The following AXDND1 variants were observed in gnomAD, a reference collection of about 807,000 sequenced individuals.
AXDND1 encodes axonemal dynein light chain domain containing 1, also known as axonemal dynein light chain domain-containing protein 1.
In AXDND1, 110 loss-of-function variants were observed where a neutral mutation model predicts 137.5. That is an observed-to-expected ratio of 0.80 (90% CI 0.69 to 0.94). The LOEUF (loss-of-function observed/expected upper bound fraction) is 0.94, where lower values mean the gene tolerates loss of function less well. AXDND1 is among the 40% of genes least tolerant of loss of function. The pLI is 0.00. For synonymous variants in AXDND1, 414 were observed against 399.7 expected (o/e 1.04, Z -0.43); for missense variants, 1,191 against 1,169.8 (o/e 1.02, Z -0.26).
At chr1:179,367,258 A>G (rs973723604) in intron 2 of AXDND1, among the ~76,000 whole-genome samples, 1 of 152,084 alleles carries the variant, frequency 6.6e-6, no homozygotes, top group African/African-American at 2.4e-5. Flanking sequence ...ACAGTGGCTC[A>G]CACCTGTAAT....
chr1:179,443,550 A>G (rs1316413753), intron 15 of AXDND1, among the ~76,000 whole-genome samples: 1 of 152,100 alleles, frequency 6.6e-6, no homozygotes, highest in African/African-American at 2.4e-5. Context: ...ATTAAACTGT[A>G]AGTCCCTATT....
chr1:179,467,101 T>C (rs750732657), intron 16 of AXDND1, among the ~76,000 whole-genome samples: 23 of 152,166 alleles, frequency 1.5e-4, no homozygotes, highest in Non-Finnish European at 3.2e-4. Context: ...CCATGAAAGA[T>C]ATTGAAGTTC....
chr1:179,393,044 C>T (rs1320490946), intron 9 of AXDND1, among the ~76,000 whole-genome samples: 4 of 152,038 alleles, frequency 2.6e-5, no homozygotes, highest in African/African-American at 9.7e-5. Context: ...GAATTCTTTG[C>T]CTAAGCCAAT....
chr1:179,548,309 T>C (rs1192148066), intron 25 of AXDND1, among the ~76,000 whole-genome samples: 1 of 152,252 alleles, frequency 6.6e-6, no homozygotes, highest in Non-Finnish European at 1.5e-5. Context: ...GCATATCATA[T>C]GCATTATCTT....
At chr1:179,535,186 G>T in intron 25 of AXDND1, 7 of 576,892 alleles carry the variant, frequency 1.2e-5, no homozygotes, top group East Asian at 7.4e-5. Context: ...AAGTAGCTCA[G>T]ATACAATTTT....
At chr1:179,463,787 A>C (rs948069957) in intron 16 of AXDND1, among the ~76,000 whole-genome samples, 20 of 152,266 alleles carry the variant, frequency 1.3e-4, no homozygotes, top group African/African-American at 4.3e-4. Flanking sequence ...GACTTGCTTT[A>C]TGAATCTGGG....
chr1:179,486,583 G>A lies in AXDND1; in HGVS notation c.2091+3362G>A, dbSNP rs752296372. Among the ~76,000 whole-genome samples the A allele has an allele frequency of 1.0e-4, 15 of 146,866 alleles. 1 individual carries two copies. The highest frequency in any genetic ancestry group is 1.6e-4 in the Non-Finnish European group (11 of 66,806). On this transcript the variant is annotated intron_variant, in intron 18 of 25. Transcript: ENST00000367618. ...AAATGTTAAAGGCAGGTAGAGAGAA[G>A]GGGCAGGTCACCTGCAAAGCAAACT...
intron 16 of AXDND1, among the ~76,000 whole-genome samples, chr1:179,466,047 A>G (rs925999818): frequency 6.6e-6 from 1 of 152,140 alleles, no homozygotes; most frequent in Non-Finnish European, 1.5e-5. Context: ...AGGAGAGGGA[A>G]GTCCCTGACC....
chr1:179,411,054 C>T, intron 11 of AXDND1, 92 bp from the exon 12 acceptor site: 1 of 995,996 alleles, frequency 1.0e-6, no homozygotes, highest in Non-Finnish European at 1.4e-6. Context: ...GAACACATTA[C>T]CTATTTTAAA....
intron 12 of AXDND1, among the ~76,000 whole-genome samples, chr1:179,422,219 C>T (rs1655858392): frequency 6.6e-6 from 1 of 151,936 alleles, no homozygotes; most frequent in Non-Finnish European, 1.5e-5. Flanking sequence ...TATTTCCCGT[C>T]TTTCTATCAT....
In AXDND1 at chr1:179,445,100, G is replaced by A. The variant is rs1325160324; in HGVS notation, c.1694G>A (p.Ser565Asn). 10 of 1,613,440 alleles carry A rather than the reference G, an allele frequency of 6.2e-6. No individual in the cohort carries two copies. The African/African-American group carries it at 1.1e-4, about 17-fold the overall frequency. Residue 565 changes from serine to asparagine, a missense_variant, in exon 16 of 26, where the codon AGT becomes AAT. Physicochemically the swap from Ser to Asn is conservative, Grantham distance 46. Transcript: ENST00000367618. ...IGLGIFNRHK[S>N]LEGEMPSERQ... is the part of the protein sequence containing the mutation. The stretch of plus-strand genomic sequence containing the variant: ...CTTGGGATATTTAATCGGCATAAAA[G>A]TTTGGAGGGGGAGATGCCATCAGAG...
intron 18 of AXDND1, among the ~76,000 whole-genome samples, chr1:179,484,836 A>C (rs541153527): frequency 1.3e-5 from 2 of 152,322 alleles, no homozygotes; most frequent in Admixed American, 1.3e-4. Context: ...AAAGGTATGC[A>C]AGGAGACCAG....
chr1:179,419,286 G>A (rs1460680948), intron 12 of AXDND1, among the ~76,000 whole-genome samples: 6 of 152,088 alleles, frequency 3.9e-5, no homozygotes, highest in South Asian at 2.1e-4. Flanking sequence ...TGGTTGTAGC[G>A]AGCCAAGATC....
In AXDND1 at chr1:179,421,367, C is replaced by CTTTTTT. The variant is rs199703017; in HGVS notation, c.1231-8127_1231-8122dup. ...CTTCCTTCCTTTTCTTTTTCTTTTCCTTTTTTTTTTTTTTTTTTTTTTTTT... is the reference window on the plus strand; with the variant it reads ...CTTCCTTCCTTTTCTTTTTCTTTTCCTTTTTTTTTTTTTTTTTTTTTTTTTTTTTTT... On this transcript the variant is annotated intron_variant, in intron 12 of 25. Transcript: ENST00000367618. 1.1e-3 allele frequency among the ~76,000 whole-genome samples: 115 copies of CTTTTTT among 107,202 alleles called. 5 individuals are homozygous for CTTTTTT. The highest frequency in any genetic ancestry group is 4.0e-3 in the African/African-American group (96 of 24,286). 70.3% of individuals were successfully genotyped at this position (107,202 alleles called of 152,430 possible).
At chr1:179,538,517 A>G (rs1436093856) in intron 25 of AXDND1, among the ~76,000 whole-genome samples, 2 of 152,172 alleles carry the variant, frequency 1.3e-5, no homozygotes, top group African/African-American at 4.8e-5. Flanking sequence ...TGAGTTTCTT[A>G]ATCCTGAGTT....
intron 23 of AXDND1, among the ~76,000 whole-genome samples, chr1:179,528,686 G>A (rs901661466): frequency 7.2e-6 from 1 of 138,282 alleles, no homozygotes; most frequent in Non-Finnish European, 1.5e-5. Flanking sequence ...CTGCCTCCCG[G>A]GTTCAAGCGA....
intron 4 of AXDND1, among the ~76,000 whole-genome samples, chr1:179,377,227 T>C (rs970479233): frequency 6.6e-6 from 1 of 152,212 alleles, no homozygotes. Context: ...CCACTGCAAC[T>C]GGCCTTGAAA....
At chr1:179,502,316 G>A (rs1668071708) in intron 20 of AXDND1, among the ~76,000 whole-genome samples, 1 of 152,170 alleles carries the variant, frequency 6.6e-6, no homozygotes, top group African/African-American at 2.4e-5. Context: ...TGTAATCTCA[G>A]CACTTTGGGA....
At chr1:179,411,086 T>A (rs902402638) in intron 11 of AXDND1, 60 bp from the exon 12 acceptor site, 20 of 1,329,876 alleles carry the variant, frequency 1.5e-5, no homozygotes, top group South Asian at 3.0e-5. Context: ...TTTTAAAAAA[T>A]ATATGTGTCT....
Sources: gnomAD v4.1 joint callset for allele counts (sites outside exome capture counted in the v4.1 genomes callset) on GRCh38, gnomAD v4.1.1 for gene constraint, MANE v1.5 for transcripts, NCBI Gene and HGNC (gene_info 2026-07-23, HGNC 2026-07-21) for gene names.